The following SYT9 variants were observed in gnomAD, a reference collection of about 807,000 sequenced individuals.
SYT9 encodes synaptotagmin-9.
SYT9 carries 22 observed loss-of-function variants against 48.4 expected under a neutral mutation model. The observed-to-expected ratio is 0.45, with a 90% CI of 0.32 to 0.65. The LOEUF is 0.65. Ranked by LOEUF, SYT9 falls within the 30% of genes least tolerant of loss-of-function variation. The pLI, the probability that SYT9 is intolerant of heterozygous loss-of-function variation, is 0.03. For synonymous variants in SYT9, 265 were observed against 245.0 expected (o/e 1.08, Z -0.76); for missense variants, 577 against 622.0 (o/e 0.93, Z 0.77).
chr11:7,397,026 T>G (rs887095941), intron 3 of SYT9, among the ~76,000 whole-genome samples: 1 of 152,286 alleles, frequency 6.6e-6, no homozygotes, highest in South Asian at 2.1e-4. Flanking sequence ...TCCATTTTTT[T>G]GTATTTGGCT....
At chr11:7,308,501 G>A (rs542125737) in intron 2 of SYT9, among the ~76,000 whole-genome samples, 1 of 152,324 alleles carries the variant, frequency 6.6e-6, no homozygotes, top group South Asian at 2.1e-4. Context: ...AAAAGCTGCT[G>A]GGGCAGAAGA....
chr11:7,353,810 A>T (rs1011942607), intron 3 of SYT9, among the ~76,000 whole-genome samples: 2 of 152,222 alleles, frequency 1.3e-5, no homozygotes, highest in Non-Finnish European at 2.9e-5. Context: ...TTGAGCATGC[A>T]CTGACTGCCA....
At chr11:7,447,095 A>G (rs557258713) in intron 6 of SYT9, among the ~76,000 whole-genome samples, 76 of 152,226 alleles carry the variant, frequency 5.0e-4, no homozygotes, top group African/African-American at 1.8e-3. Context: ...AAGCTTTCCA[A>G]TGTTCTGGAA....
chr11:7,311,779 T>TGCCTCCCAGTCCTTTCTGCC (rs1849138723), intron 2 of SYT9, among the ~76,000 whole-genome samples: 1 of 152,216 alleles, frequency 6.6e-6, no homozygotes, highest in Admixed American at 6.5e-5. Flanking sequence ...TACTTTCTGC[T>TGCCTCCCAGTCCTTTCTGCC]GCCTCCCAGT....
At chr11:7,257,225 G>T (rs1161312582) in intron 1 of SYT9, among the ~76,000 whole-genome samples, 2 of 152,128 alleles carry the variant, frequency 1.3e-5, no homozygotes, top group Non-Finnish European at 2.9e-5. Flanking sequence ...AGGAAAGATA[G>T]TATCAAAAAC....
intron 3 of SYT9, among the ~76,000 whole-genome samples, chr11:7,381,087 A>G (rs1473352438): frequency 2.6e-5 from 4 of 152,164 alleles, no homozygotes; most frequent in Admixed American, 6.6e-5. Flanking sequence ...TGCTTTAGCT[A>G]TGGTTGTCAA....
chr11:7,444,769 C>A lies in SYT9; in HGVS notation c.1468-22023C>A, dbSNP rs542734717. Among the ~76,000 whole-genome samples, 9 of 152,246 alleles carry A rather than the reference C, an allele frequency of 5.9e-5. No individual in the cohort carries two copies. The East Asian group carries it at 1.7e-3, about 29-fold the overall frequency. On this transcript the variant is annotated intron_variant, in intron 6 of 6. Transcript: ENST00000318881. ...GCAGGAATGGATTGATAGGCGGGAG[C>A]TGGGACTTTGCCTTTGATCTCCCAT...
chr11:7,387,598 A>G (rs1040789550), intron 3 of SYT9, among the ~76,000 whole-genome samples: 1 of 152,150 alleles, frequency 6.6e-6, no homozygotes, highest in African/African-American at 2.4e-5. Flanking sequence ...CTCAAATACA[A>G]TGTTCAATAG....
chr11:7,312,071 G>A (rs954798752), intron 2 of SYT9, among the ~76,000 whole-genome samples: 4 of 152,162 alleles, frequency 2.6e-5, no homozygotes, highest in African/African-American at 9.7e-5. Flanking sequence ...ACTGGGCTAT[G>A]TCTGCTTGCT....
chr11:7,350,976 G>A (rs186067581), intron 3 of SYT9, among the ~76,000 whole-genome samples: 3,774 of 152,200 alleles, frequency 0.025, 117 homozygotes, highest in African/African-American at 0.067. Flanking sequence ...TAGGCGTGAA[G>A]TAAGTATCAG....
In SYT9 at chr11:7,354,556, C is replaced by A. The variant is rs1314089612; in HGVS notation, c.1044+40615C>A. On this transcript the variant is annotated intron_variant, in intron 3 of 6. Coordinates refer to ENST00000318881, the MANE Select transcript of SYT9 (RefSeq NM_175733.4). The stretch of plus-strand genomic sequence containing the variant: ...AACCCAGGCCCTGAGGCTTGGACTT[C>A]CTTCCTTTAATCTGACATGTGACCC... Among the ~76,000 whole-genome samples, 4 of 152,154 alleles carry A rather than the reference C, an allele frequency of 2.6e-5. No individual in the cohort carries two copies. In the East Asian group the frequency reaches 7.7e-4, roughly 29 times the overall value.
At chr11:7,420,305 T>G (rs1324408058) in intron 5 of SYT9, among the ~76,000 whole-genome samples, 2 of 152,208 alleles carry the variant, frequency 1.3e-5, no homozygotes. Flanking sequence ...ATGTCAGTTT[T>G]AGGACAGCCA....
chr11:7,247,656 A>G (rs1847811217), upstream of SYT9, among the ~76,000 whole-genome samples: 4 of 136,374 alleles, frequency 2.9e-5, no homozygotes, highest in African/African-American at 1.1e-4. Flanking sequence ...ATATATATAT[A>G]CATATGTATA....
chr11:7,420,640 G>A lies in SYT9; in HGVS notation c.1467+5G>A. On this transcript the variant is annotated splice_donor_5th_base_variant and intron_variant, in intron 6 of 6. Coordinates refer to ENST00000318881, the MANE Select transcript of SYT9 (RefSeq NM_175733.4). ...CACTGGCATTCCCTGGTGGAGGTAA[G>A]ACCCTAATCCACATGCTCCACTTTG... is the stretch of plus-strand genomic sequence containing the variant. 6.2e-7 allele frequency: 1 copy of A among 1,614,120 alleles called. No homozygotes were observed. Among genetic ancestry groups the A allele is most frequent in the Admixed American group, 1.7e-5 (1 of 60,028 alleles).
At chr11:7,346,590 T>G (rs1482631009) in intron 3 of SYT9, among the ~76,000 whole-genome samples, 1 of 152,248 alleles carries the variant, frequency 6.6e-6, no homozygotes, top group Admixed American at 6.5e-5. Context: ...AGCCTCTGCC[T>G]TCAGGGAGCT....
chr11:7,273,539 C>CTTTT (rs1848334201), intron 1 of SYT9, among the ~76,000 whole-genome samples: 1 of 151,902 alleles, frequency 6.6e-6, no homozygotes, highest in South Asian at 2.1e-4. Flanking sequence ...GAGTGTTTAC[C>CTTTT]CTCTGATATC....
intron 6 of SYT9, among the ~76,000 whole-genome samples, chr11:7,431,784 C>G (rs1847577992): frequency 6.6e-6 from 1 of 152,234 alleles, no homozygotes; most frequent in Non-Finnish European, 1.5e-5. Context: ...AAGCCATAAG[C>G]TTGGGCAGCT....
At chr11:7,466,722 A>G (rs527653716) in intron 6 of SYT9, 70 bp from the exon 7 acceptor site, 10,374 of 849,548 alleles carry the variant, frequency 0.012, 11 homozygotes, top group Middle Eastern at 0.02. Flanking sequence ...CTCTGTCTCA[A>G]AAAAAAAAAA....
chr11:7,279,416 A>G (rs1848454708), intron 1 of SYT9, among the ~76,000 whole-genome samples: 1 of 152,198 alleles, frequency 6.6e-6, no homozygotes, highest in Admixed American at 6.5e-5. Context: ...AGCTCATGCC[A>G]GAGAAGCAGG....
Sources: gnomAD v4.1 joint callset for allele counts (sites outside exome capture counted in the v4.1 genomes callset) on GRCh38, gnomAD v4.1.1 for gene constraint, MANE v1.5 for transcripts, NCBI Gene and HGNC (gene_info 2026-07-23, HGNC 2026-07-21) for gene names.